The following PLCL1 variants were observed in gnomAD, a reference collection of about 807,000 sequenced individuals.
PLCL1 encodes inactive phospholipase C-like protein 1.
A neutral mutation model predicts 84.4 loss-of-function variants in PLCL1; 41 were observed. That is an observed-to-expected ratio of 0.49 (90% CI 0.38 to 0.63). The LOEUF is 0.63. Ranked by LOEUF, PLCL1 falls within the 30% of genes least tolerant of loss-of-function variation. The pLI, the probability that PLCL1 is intolerant of heterozygous loss-of-function variation, is 0.00. For missense variants in PLCL1, 1,206 were observed against 1,367.8 expected, an observed-to-expected ratio of 0.88 and a Z score of 1.87; for synonymous variants, 490 against 488.3, an observed-to-expected ratio of 1.00 and a Z score of -0.05.
chr2:198,119,440 T>C (rs1413199304), intron 5 of PLCL1, among the ~76,000 whole-genome samples: 1 of 152,028 alleles, frequency 6.6e-6, no homozygotes, highest in African/African-American at 2.4e-5. Context: ...CTTCACATTT[T>C]ATATTCTCCA....
intron 1 of PLCL1, among the ~76,000 whole-genome samples, chr2:197,842,596 G>A (rs762995417): frequency 1.3e-5 from 2 of 152,022 alleles, no homozygotes; most frequent in Non-Finnish European, 2.9e-5. Flanking sequence ...TCATAATTCT[G>A]TTTTCTCTTC....
At chr2:197,867,368 T>C (rs1687568976) in intron 1 of PLCL1, among the ~76,000 whole-genome samples, 1 of 150,732 alleles carries the variant, frequency 6.6e-6, no homozygotes, top group Admixed American at 6.7e-5. Context: ...AGCAGTTACT[T>C]CTAGGATCTG....
chr2:197,912,343 G>A (rs935215073), intron 1 of PLCL1, among the ~76,000 whole-genome samples: 1 of 151,136 alleles, frequency 6.6e-6, no homozygotes, highest in Non-Finnish European at 1.5e-5. Context: ...TACACTGTTG[G>A]TGGGACTGTA....
intron 1 of PLCL1, among the ~76,000 whole-genome samples, chr2:197,844,200 C>A (rs113986318): frequency 7.9e-5 from 12 of 151,924 alleles, no homozygotes; most frequent in African/African-American, 2.9e-4. Context: ...AACAGTGAAC[C>A]CATCTGTGTA....
chr2:198,054,596 A>G (rs976168690), intron 1 of PLCL1, among the ~76,000 whole-genome samples: 4 of 152,228 alleles, frequency 2.6e-5, no homozygotes, highest in African/African-American at 9.7e-5. Flanking sequence ...CCAGTTGGGC[A>G]GCAGCTCTTT....
chr2:198,102,655 A>C lies in PLCL1; in HGVS notation c.2996-1172A>C, dbSNP rs560265014. The stretch of plus-strand genomic sequence containing the variant: ...TGCCTGGATGCCATCTTTAAAGAAG[A>C]GTTTCATTGGCAAGCTGAATATGTT... On this transcript the variant is annotated intron_variant, in intron 4 of 5. Transcript: ENST00000428675. Among the ~76,000 whole-genome samples the C allele has an allele frequency of 3.5e-4, 54 of 152,186 alleles. 1 individual carries two copies. Among genetic ancestry groups the C allele is most frequent in the African/African-American group, 1.3e-3 (53 of 41,554 alleles).
chr2:198,149,783 CTGTT>C lies in PLCL1; in HGVS notation c.*2825_*2828del, dbSNP rs1559122093. Reference sequence around the variant, plus strand: ...TAACAAAATTGAGATATTATATAAACTGTTTGTAGCAGGGTGTTTAAAATTTTAA... The same window carrying C: ...TAACAAAATTGAGATATTATATAAACTGTAGCAGGGTGTTTAAAATTTTAA... On this transcript the variant is annotated 3_prime_UTR_variant, in exon 6 of 6. Coordinates refer to ENST00000428675, the MANE Select transcript of PLCL1 (RefSeq NM_006226.4). 1 of 151,982 alleles carries C rather than the reference CTGTT, an allele frequency of 6.6e-6. No individual in the cohort carries two copies. Among genetic ancestry groups the C allele is most frequent in the Non-Finnish European group, 1.5e-5 (1 of 68,002 alleles). The allele number at this position is 151,982 out of a possible 1,614,324, so 9.4% of individuals were successfully genotyped here. A position where few individuals can be genotyped will look rare whatever the true frequency, so the allele number is the denominator to read the frequency against.
chr2:197,921,111 C>G (rs1688692422), intron 1 of PLCL1, among the ~76,000 whole-genome samples: 1 of 152,152 alleles, frequency 6.6e-6, no homozygotes, highest in Non-Finnish European at 1.5e-5. Context: ...TGTTACTGTA[C>G]TAAATACTGT....
At chr2:198,105,082 A>T (rs907652983) in intron 5 of PLCL1, among the ~76,000 whole-genome samples, 1 of 151,880 alleles carries the variant, frequency 6.6e-6, no homozygotes, top group African/African-American at 2.4e-5. Context: ...TTGTCATGAA[A>T]TCTTTATTAG....
intron 1 of PLCL1, among the ~76,000 whole-genome samples, chr2:198,026,134 A>T (rs145046182): frequency 4.6e-5 from 7 of 152,260 alleles, no homozygotes; most frequent in African/African-American, 1.7e-4. Flanking sequence ...GGTCTCATGA[A>T]CTCATGCAAT....
At position 198,085,767 on chromosome 2, in the gene PLCL1, T is replaced by A. The variant is rs1262283588; in HGVS notation, c.2250T>A (p.Val750=). The A allele has an allele frequency of 3.7e-6, 6 of 1,613,410 alleles. No homozygotes were observed. The highest frequency in any genetic ancestry group is 5.1e-6 in the Non-Finnish European group (6 of 1,179,420). Residue 750 remains valine, a synonymous_variant, in exon 2 of 6, where the codon GTT becomes GTA. Coordinates refer to ENST00000428675, the MANE Select transcript of PLCL1 (RefSeq NM_006226.4). The surrounding 1 kb of genome is among the most constrained non-coding windows in gnomAD (Gnocchi z 5.3). Reference sequence around the variant, plus strand: ...AAGGGGATGTCATAGATCCCTATGTTTGTATAGAGATACACGGAATTCCAG... The same window carrying A: ...AAGGGGATGTCATAGATCCCTATGTATGTATAGAGATACACGGAATTCCAG... The part of the protein sequence containing the change: ...CAKGDVIDPY[V]CIEIHGIPAD...
chr2:197,968,096 T>C (rs1013221146), intron 1 of PLCL1, among the ~76,000 whole-genome samples: 3 of 152,220 alleles, frequency 2.0e-5, no homozygotes, highest in African/African-American at 7.2e-5. Flanking sequence ...AACATACAAG[T>C]CTAATTTACC....
At chr2:197,930,920 G>A (rs1183436521) in intron 1 of PLCL1, among the ~76,000 whole-genome samples, 4 of 152,124 alleles carry the variant, frequency 2.6e-5, no homozygotes, top group African/African-American at 9.7e-5. Context: ...ATAAAGATAG[G>A]CTGCTAAAAG....
rs537869967 is a variant in PLCL1 at position 197,919,308 on chromosome 2, G to T, written c.240+113969G>T. 9.9e-5 allele frequency among the ~76,000 whole-genome samples: 15 copies of T among 152,080 alleles called. 1 individual carries two copies. In the South Asian group the frequency reaches 3.1e-3, roughly 32 times the overall value. Reference sequence around the variant, plus strand: ...TAGAGTTGTAAGACAACACCCATAGGGTCAGAATCAGATACCCAGAAGGAT... The same window carrying T: ...TAGAGTTGTAAGACAACACCCATAGTGTCAGAATCAGATACCCAGAAGGAT... On this transcript the variant is annotated intron_variant, in intron 1 of 5. Coordinates refer to ENST00000428675, the MANE Select transcript of PLCL1 (RefSeq NM_006226.4).
chr2:197,961,036 T>C (rs891836222), intron 1 of PLCL1, among the ~76,000 whole-genome samples: 3 of 152,110 alleles, frequency 2.0e-5, no homozygotes, highest in African/African-American at 7.2e-5. Flanking sequence ...TGGCATTTGG[T>C]TTCTCTTTAA....
chr2:198,139,968 C>T (rs1694345694), intron 5 of PLCL1, among the ~76,000 whole-genome samples: 1 of 151,666 alleles, frequency 6.6e-6, no homozygotes, highest in Non-Finnish European at 1.5e-5. Flanking sequence ...GAGTCATGCT[C>T]TGTCACCCAG....
intron 1 of PLCL1, among the ~76,000 whole-genome samples, chr2:197,845,882 C>T (rs961914472): frequency 5.9e-5 from 9 of 152,110 alleles, no homozygotes; most frequent in Non-Finnish European, 1.2e-4. Flanking sequence ...TTCATTTCTT[C>T]TCCATCCTTT....
At chr2:197,892,803 A>G (rs1391889455) in intron 1 of PLCL1, among the ~76,000 whole-genome samples, 1 of 152,072 alleles carries the variant, frequency 6.6e-6, no homozygotes, top group Non-Finnish European at 1.5e-5. Flanking sequence ...GATCAGCCTG[A>G]TCAACATGGT....
intron 1 of PLCL1, among the ~76,000 whole-genome samples, chr2:198,012,141 C>T (rs1013280373): frequency 6.6e-6 from 1 of 152,028 alleles, no homozygotes; most frequent in African/African-American, 2.4e-5. Context: ...TTCATAGTTC[C>T]CCAAAGCTCA....
Sources: gnomAD v4.1 joint callset for allele counts (sites outside exome capture counted in the v4.1 genomes callset) on GRCh38, gnomAD v4.1.1 for gene constraint, Gnocchi (gnomAD v3.1) non-coding constraint, MANE v1.5 for transcripts, NCBI Gene and HGNC (gene_info 2026-07-23, HGNC 2026-07-21) for gene names.